TMTC2: variants seen among roughly 807,000 people sequenced by gnomAD.
TMTC2 encodes protein O-mannosyl-transferase TMTC2.
Under a neutral mutation model 82.4 loss-of-function variants are expected in TMTC2, and 43 were observed. That is an observed-to-expected ratio of 0.52 (90% CI 0.41 to 0.67). The LOEUF (loss-of-function observed/expected upper bound fraction) is 0.67. Ranked by LOEUF, TMTC2 falls within the 30% of genes least tolerant of loss-of-function variation. The probability of loss-of-function intolerance (pLI) is 0.00; values close to 1 mark genes in which losing one functional copy is unlikely to be tolerated. For missense variants in TMTC2, 919 were observed against 1,012.4 expected (o/e 0.91, Z 1.25); for synonymous variants, 408 against 381.9 (o/e 1.07, Z -0.80).
chr12:82,718,466 C>T (rs1194639931), intron 1 of TMTC2, among the ~76,000 whole-genome samples: 2 of 152,122 alleles, frequency 1.3e-5, no homozygotes, highest in African/African-American at 4.8e-5. Flanking sequence ...CTGCAGAAGC[C>T]CAGAACATAA....
chr12:82,825,934 AAGAG>A (rs1869395698), intron 1 of TMTC2, among the ~76,000 whole-genome samples: 1 of 152,100 alleles, frequency 6.6e-6, no homozygotes, highest in South Asian at 2.1e-4. Context: ...ATACCAGTGA[AAGAG>A]AGAGTACACA....
chr12:83,120,134 C>T (rs544837303), intron 11 of TMTC2, among the ~76,000 whole-genome samples: 182 of 152,254 alleles, frequency 1.2e-3, no homozygotes, highest in African/African-American at 4.2e-3. Flanking sequence ...TTACATTCAA[C>T]GTTAGTATTG....
chr12:83,100,019 A>G (rs1884162575), intron 11 of TMTC2, among the ~76,000 whole-genome samples: 1 of 151,840 alleles, frequency 6.6e-6, no homozygotes, highest in Non-Finnish European at 1.5e-5. Flanking sequence ...TCCCAGGTTC[A>G]AGTGATTCTC....
intron 9 of TMTC2, among the ~76,000 whole-genome samples, chr12:83,032,535 C>CA (rs201875585): frequency 1.4e-4 from 21 of 150,776 alleles, no homozygotes; most frequent in Non-Finnish European, 2.2e-4. Flanking sequence ...GAAAGTTCTA[C>CA]AAAAAAAATT....
chr12:82,770,820 C>G (rs1035140920), intron 1 of TMTC2, among the ~76,000 whole-genome samples: 3 of 152,032 alleles, frequency 2.0e-5, no homozygotes, highest in Non-Finnish European at 2.9e-5. Context: ...TTAGTTGTTT[C>G]CTTGCTTATT....
chr12:83,083,951 C>T (rs188781824), intron 11 of TMTC2, among the ~76,000 whole-genome samples: 2 of 152,286 alleles, frequency 1.3e-5, no homozygotes, highest in African/African-American at 4.8e-5. Context: ...AAGATAATGT[C>T]GACTTTTAAC....
intron 2 of TMTC2, among the ~76,000 whole-genome samples, chr12:82,877,416 A>G (rs1872635572): frequency 1.3e-5 from 2 of 152,134 alleles, no homozygotes; most frequent in African/African-American, 4.8e-5. Flanking sequence ...TTATCCTAAC[A>G]CTTCAGCTTA....
chr12:83,122,656 C>T (rs754314586), intron 11 of TMTC2, among the ~76,000 whole-genome samples: 4 of 152,248 alleles, frequency 2.6e-5, no homozygotes, highest in Non-Finnish European at 4.4e-5. Flanking sequence ...ACAGTTTGGG[C>T]ACTCACAGTA....
At chr12:82,836,842 A>C (rs1476705770) in intron 1 of TMTC2, among the ~76,000 whole-genome samples, 4 of 152,084 alleles carry the variant, frequency 2.6e-5, no homozygotes, top group Non-Finnish European at 5.9e-5. Flanking sequence ...AAAAAACAAA[A>C]GACAATTTGA....
At chr12:82,770,406 T>C (rs946441212) in intron 1 of TMTC2, among the ~76,000 whole-genome samples, 23 of 152,136 alleles carry the variant, frequency 1.5e-4, no homozygotes, top group African/African-American at 5.3e-4. Context: ...GAGCACTCTA[T>C]TTTATAGTTC....
At chr12:83,008,746 G>A (rs1623975) in intron 8 of TMTC2, among the ~76,000 whole-genome samples, 118,991 of 151,984 alleles carry the variant, frequency 0.78, 47,630 homozygotes, top group South Asian at 0.93. Flanking sequence ...AATGAAATAC[G>A]CAGCCTCTAA....
chr12:83,116,335 G>T (rs900622552), intron 11 of TMTC2, among the ~76,000 whole-genome samples: 3 of 152,144 alleles, frequency 2.0e-5, no homozygotes, highest in Non-Finnish European at 4.4e-5. Context: ...TCCACTCGTT[G>T]ATTGATAGGC....
chr12:83,132,675 TG>T lies in TMTC2; in HGVS notation c.*289del, dbSNP rs1208032175. ...TTTGGCATTCTTAAAAAGGGAGGGGTGGGTGTGTAAGTCACAGATTTTGTTC... is the reference window on the plus strand; with the variant it reads ...TTTGGCATTCTTAAAAAGGGAGGGGTGGTGTGTAAGTCACAGATTTTGTTC... On this transcript the variant is annotated 3_prime_UTR_variant, in exon 12 of 12. Transcript: ENST00000321196. 5.4e-5 allele frequency: 18 copies of T among 335,818 alleles called. No individual in the cohort carries two copies. The highest frequency in any genetic ancestry group is 5.2e-4 in the Admixed American group (10 of 19,388). The allele number at this position is 335,818 out of a possible 1,614,324, so 20.8% of individuals were successfully genotyped here. A position where few individuals can be genotyped will look rare whatever the true frequency, so the allele number is the denominator to read the frequency against.
At chr12:82,919,031 C>A (rs921959918) in intron 3 of TMTC2, among the ~76,000 whole-genome samples, 2 of 152,242 alleles carry the variant, frequency 1.3e-5, no homozygotes, top group African/African-American at 4.8e-5. Flanking sequence ...GCTGGGATTA[C>A]AGGCGTAAGC....
intron 4 of TMTC2, among the ~76,000 whole-genome samples, chr12:82,954,840 G>A (rs1420295976): frequency 6.6e-6 from 1 of 152,160 alleles, no homozygotes; most frequent in Non-Finnish European, 1.5e-5. Flanking sequence ...TTGGTCAGAT[G>A]TATTGTCAGA....
chr12:82,958,371 C>CA (rs920765326), intron 4 of TMTC2, among the ~76,000 whole-genome samples: 2 of 18,926 alleles, frequency 1.1e-4, no homozygotes, highest in Non-Finnish European at 2.5e-4. Flanking sequence ...AAAAAAAAAA[C>CA]AAAAAAAACA....
At chr12:82,728,900 C>T (rs1321130749) in intron 1 of TMTC2, among the ~76,000 whole-genome samples, 1 of 152,234 alleles carries the variant, frequency 6.6e-6, no homozygotes, top group Non-Finnish European at 1.5e-5. Context: ...CAGTGAGGAG[C>T]TTAGCACCTG....
intron 1 of TMTC2, among the ~76,000 whole-genome samples, chr12:82,780,808 GT>G (rs553423016): frequency 1.4e-4 from 21 of 145,408 alleles, no homozygotes; most frequent in African/African-American, 2.3e-4. Flanking sequence ...AAGAAGTTTT[GT>G]TTTTTTTTTT....
rs146657948 is a variant in TMTC2 at position 82,937,701 on chromosome 12, G to GGTGTGT, written c.1598+7178_1598+7183dup. On this transcript the variant is annotated intron_variant, in intron 4 of 11. Coordinates refer to ENST00000321196, the MANE Select transcript of TMTC2 (RefSeq NM_152588.3). Reference sequence around the variant, plus strand: ...GCTAACATTTTGAACAAATGTCAATGGTGTGTGTGTGTGTGTGTGTGTGTG... The same window carrying GGTGTGT: ...GCTAACATTTTGAACAAATGTCAATGGTGTGTGTGTGTGTGTGTGTGTGTGTGTGTG... Among the ~76,000 whole-genome samples, 365 of 73,132 alleles carry GGTGTGT rather than the reference G, an allele frequency of 5.0e-3. 2 individuals are homozygous for GGTGTGT. The highest frequency in any genetic ancestry group is 0.012 in the Middle Eastern group (2 of 162). The allele number at this position is 73,132 out of a possible 152,430, so 48.0% of individuals were successfully genotyped here. A position where few individuals can be genotyped will look rare whatever the true frequency, so the allele number is the denominator to read the frequency against.
Sources: allele counts gnomAD v4.1 joint callset (sites outside exome capture counted in the v4.1 genomes callset), GRCh38; gene constraint gnomAD v4.1.1; transcripts MANE v1.5; gene names NCBI Gene and HGNC (gene_info 2026-07-23, HGNC 2026-07-21).